PTPRC: variants seen among roughly 807,000 people sequenced by gnomAD.
PTPRC encodes receptor-type tyrosine-protein phosphatase C.
Under a neutral mutation model 155.9 loss-of-function variants are expected in PTPRC, and 44 were observed. The observed-to-expected ratio is 0.28, with a 90% CI of 0.22 to 0.36. The LOEUF is 0.36. Ranked by LOEUF, PTPRC falls within the 10% of genes least tolerant of loss-of-function variation. The pLI is 1.00. For missense variants in PTPRC, 1,401 were observed against 1,564.6 expected, an observed-to-expected ratio of 0.90 and a Z score of 1.76; for synonymous variants, 525 against 533.1, an observed-to-expected ratio of 0.98 and a Z score of 0.21.
intron 3 of PTPRC, chr1:198,694,115 C>T (rs1325529914): frequency 5.2e-6 from 8 of 1,545,174 alleles, no homozygotes; most frequent in Middle Eastern, 1.7e-4. Context: ...GGCCAAAGGC[C>T]CGAGAGCCCC....
At position 198,756,259 on chromosome 1, in the gene PTPRC, A is replaced by AG. The variant is rs1655655953; in HGVS notation, c.*80dup. 1 of 1,547,370 alleles carries AG rather than the reference A, an allele frequency of 6.5e-7. No individual in the cohort carries two copies. Among genetic ancestry groups the AG allele is most frequent in the African/African-American group, 1.4e-5 (1 of 73,382 alleles). On this transcript the variant is annotated 3_prime_UTR_variant, in exon 33 of 33. Coordinates refer to ENST00000442510, the MANE Select transcript of PTPRC (RefSeq NM_002838.5). ...TTTTGTAGAAGTAGGAAGTGAAAAT[A>AG]GGTATACAGTGGATTAATTAAATGC...
chr1:198,728,035 T>TA (rs1294065710), intron 15 of PTPRC, among the ~76,000 whole-genome samples: 1 of 151,998 alleles, frequency 6.6e-6, no homozygotes, highest in African/African-American at 2.4e-5. Flanking sequence ...AAGTGTCTGA[T>TA]AAAAAAAGAG....
chr1:198,704,126 A>G (rs1449681068), intron 7 of PTPRC, among the ~76,000 whole-genome samples: 2 of 152,182 alleles, frequency 1.3e-5, no homozygotes, highest in African/African-American at 4.8e-5. Context: ...ATATAAATTA[A>G]CATTGAGATT....
chr1:198,650,969 G>T (rs16843586), intron 2 of PTPRC, among the ~76,000 whole-genome samples: 9,849 of 151,894 alleles, frequency 0.065, 424 homozygotes, highest in South Asian at 0.13. Context: ...AAGGTTGGTT[G>T]TGAACATGCA....
intron 22 of PTPRC, among the ~76,000 whole-genome samples, chr1:198,734,846 T>C (rs1269785257): frequency 6.6e-6 from 1 of 151,714 alleles, no homozygotes; most frequent in Non-Finnish European, 1.5e-5. Context: ...CAAGCAATCA[T>C]ATCCTTTTTG....
intron 2 of PTPRC, among the ~76,000 whole-genome samples, chr1:198,665,283 T>C (rs1664226440): frequency 6.6e-6 from 1 of 151,530 alleles, no homozygotes; most frequent in Non-Finnish European, 1.5e-5. Flanking sequence ...TTTGTATTCT[T>C]AGTAGAGACG....
Position 198,731,667 on chromosome 1 carries a change from T to C in PTPRC, c.1915T>C (p.Leu639=). ...NVEPIHADIL[L]ETYKRKIADE... ...GGAGCCAATCCATGCAGATATTTTG[T>C]TGGAAACTTATAAGAGGAAGATTGC... The change falls in exon 18 of 33, where the codon TTG becomes CTG. Residue 639 remains leucine, a synonymous_variant. Coordinates refer to ENST00000442510, the MANE Select transcript of PTPRC (RefSeq NM_002838.5). The C allele has an allele frequency of 6.2e-7, 1 of 1,611,920 alleles. No homozygotes were observed. Among genetic ancestry groups the C allele is most frequent in the Non-Finnish European group, 8.5e-7 (1 of 1,178,474 alleles).
At chr1:198,670,286 A>G (rs1664569057) in intron 2 of PTPRC, among the ~76,000 whole-genome samples, 1 of 152,152 alleles carries the variant, frequency 6.6e-6, no homozygotes, top group Non-Finnish European at 1.5e-5. Context: ...TGAAATATTT[A>G]TAATTATTAA....
At chr1:198,701,725 G>A (rs1223080731) in intron 5 of PTPRC, among the ~76,000 whole-genome samples, 2 of 152,202 alleles carry the variant, frequency 1.3e-5, no homozygotes, top group African/African-American at 4.8e-5. Flanking sequence ...TGATGCCACT[G>A]TAATGTGGAG....
intron 23 of PTPRC, 81 bp from the exon 24 acceptor site, chr1:198,741,787 AC>A (rs1213759867): frequency 3.4e-5 from 46 of 1,369,276 alleles, no homozygotes; most frequent in Non-Finnish European, 4.7e-5. Flanking sequence ...GAGACTTTGT[AC>A]TGGTACTCCC....
chr1:198,715,297 G>A (rs1324359071), intron 12 of PTPRC, among the ~76,000 whole-genome samples: 1 of 151,828 alleles, frequency 6.6e-6, no homozygotes, highest in African/African-American at 2.4e-5. Flanking sequence ...TAATTTTTTT[G>A]TATTTTTAGT....
At chr1:198,671,564 T>G (rs1020195800) in intron 2 of PTPRC, among the ~76,000 whole-genome samples, 9 of 152,218 alleles carry the variant, frequency 5.9e-5, no homozygotes, top group Non-Finnish European at 8.8e-5. Context: ...TTTTATAAAT[T>G]TGTGACTTCT....
intron 2 of PTPRC, among the ~76,000 whole-genome samples, chr1:198,683,790 C>T (rs1206080649): frequency 6.6e-6 from 1 of 152,038 alleles, no homozygotes; most frequent in Non-Finnish European, 1.5e-5. Context: ...ACTGGTTACA[C>T]ACACATAAAT....
At chr1:198,714,602 C>G (rs1020576813) in intron 12 of PTPRC, among the ~76,000 whole-genome samples, 1 of 152,284 alleles carries the variant, frequency 6.6e-6, no homozygotes, top group Admixed American at 6.5e-5. Flanking sequence ...CATGCCCTGA[C>G]ACTGCATAAA....
Position 198,735,309 on chromosome 1 carries a change from A to T in PTPRC, c.2403+57A>T, listed in dbSNP as rs1654583991. 5 of 1,368,058 alleles carry T rather than the reference A, an allele frequency of 3.7e-6. No homozygotes were observed. In the African/African-American group the frequency reaches 5.9e-5, roughly 16 times the overall value. 84.7% of individuals were successfully genotyped at this position (1,368,058 alleles called of 1,614,324 possible). A position where few individuals can be genotyped will look rare whatever the true frequency, so the allele number is the denominator to read the frequency against. ...GATACTTTTTTATAAAAATATAATTATGGAATATTAAAAGTGAGAAAATAA... is the reference window on the plus strand; with the variant it reads ...GATACTTTTTTATAAAAATATAATTTTGGAATATTAAAAGTGAGAAAATAA... On this transcript the variant is annotated intron_variant, in intron 23 of 32. Coordinates refer to ENST00000442510, the MANE Select transcript of PTPRC (RefSeq NM_002838.5).
At chr1:198,659,635 A>G (rs1485815073) in intron 2 of PTPRC, among the ~76,000 whole-genome samples, 1 of 151,818 alleles carries the variant, frequency 6.6e-6, no homozygotes, top group Non-Finnish European at 1.5e-5. Context: ...CCCAGGTTCA[A>G]AGAATTCTCC....
intron 23 of PTPRC, among the ~76,000 whole-genome samples, chr1:198,736,742 T>C (rs1265142095): frequency 6.6e-6 from 1 of 151,680 alleles, no homozygotes; most frequent in African/African-American, 2.4e-5. Context: ...GTGCTATTTT[T>C]AGTTTTTTTG....
At chr1:198,689,803 T>C (rs1168394103) in intron 2 of PTPRC, among the ~76,000 whole-genome samples, 2 of 152,184 alleles carry the variant, frequency 1.3e-5, no homozygotes, top group Non-Finnish European at 2.9e-5. Context: ...CCTCATCTTA[T>C]TATGTGATTC....
chr1:198,652,480 T>C (rs1663305961), intron 2 of PTPRC, among the ~76,000 whole-genome samples: 1 of 151,746 alleles, frequency 6.6e-6, no homozygotes, highest in Non-Finnish European at 1.5e-5. Context: ...GATATTTAAA[T>C]ACCTATCCAA....
Sources: allele counts gnomAD v4.1 joint callset (sites outside exome capture counted in the v4.1 genomes callset), GRCh38; gene constraint gnomAD v4.1.1; transcripts MANE v1.5; gene names NCBI Gene and HGNC (gene_info 2026-07-23, HGNC 2026-07-21).